ZC3H12B: variants seen among roughly 807,000 people sequenced by gnomAD.
The protein encoded by ZC3H12B is probable ribonuclease ZC3H12B.
In ZC3H12B, 7 loss-of-function variants were observed where a neutral mutation model predicts 43.9. That is an observed-to-expected ratio of 0.16 (90% confidence interval 0.09 to 0.30). The LOEUF (loss-of-function observed/expected upper bound fraction) is 0.30. Ranked by LOEUF, ZC3H12B falls within the 10% of genes least tolerant of loss-of-function variation. The probability of loss-of-function intolerance (pLI) is 1.00; values close to 1 mark genes in which losing one functional copy is unlikely to be tolerated. For missense variants in ZC3H12B, 475 were observed against 670.2 expected (o/e 0.71, Z 3.22); for synonymous variants, 222 against 241.7 (o/e 0.92, Z 0.76).
At chrX:65,324,881 A>T in the ZC3H12B span, among the ~76,000 whole-genome samples, 26,407 of 109,744 alleles carry the variant, frequency 0.24, 7,690 homozygotes, top group African/African-American at 0.83. Context: ...TGATAATTAT[A>T]GAAAGTAGGG....
the ZC3H12B span, among the ~76,000 whole-genome samples, chrX:65,050,061 G>A: frequency 9.0e-6 from 1 of 111,235 alleles, no homozygotes; most frequent in East Asian, 2.8e-4. Flanking sequence ...TTATTCAAAA[G>A]TGTGTTTTTT....
At chrX:65,388,429 A>G (rs887914107) in intron 2 of ZC3H12B, among the ~76,000 whole-genome samples, 1 of 112,329 alleles carries the variant, frequency 8.9e-6, no homozygotes, top group Non-Finnish European at 1.9e-5. Context: ...CCAGTTGATC[A>G]AATCGGCTAC....
chrX:65,475,879 C>A (rs1310274277), intron 3 of ZC3H12B, among the ~76,000 whole-genome samples: 1 of 111,968 alleles, frequency 8.9e-6, no homozygotes, highest in African/African-American at 3.2e-5. Flanking sequence ...CCCACTGGGT[C>A]CCTCCCATGA....
chrX:65,205,081 A>T, the ZC3H12B span, among the ~76,000 whole-genome samples: 1 of 112,358 alleles, frequency 8.9e-6, no homozygotes, highest in Non-Finnish European at 1.9e-5. Flanking sequence ...TATTGTAGGA[A>T]TGGTAGCTTT....
the ZC3H12B span, among the ~76,000 whole-genome samples, chrX:65,306,411 C>T: frequency 8.9e-6 from 1 of 111,776 alleles, no homozygotes; most frequent in Non-Finnish European, 1.9e-5. Flanking sequence ...CTTGCTCTGT[C>T]GTCCAGTCTG....
chrX:65,220,187 A>G, the ZC3H12B span, among the ~76,000 whole-genome samples: 2 of 111,946 alleles, frequency 1.8e-5, no homozygotes, highest in African/African-American at 6.5e-5. Flanking sequence ...GCACTGCAGA[A>G]CCTGCTAAAA....
intron 3 of ZC3H12B, among the ~76,000 whole-genome samples, chrX:65,454,551 G>C (rs2067576662): frequency 8.9e-6 from 1 of 112,140 alleles, no homozygotes; most frequent in Non-Finnish European, 1.9e-5. Flanking sequence ...CCACCTCTGG[G>C]GGCAGGGCAT....
chrX:65,430,813 G>T (rs757483955), intron 3 of ZC3H12B, among the ~76,000 whole-genome samples: 65 of 111,022 alleles, frequency 5.9e-4, no homozygotes, highest in African/African-American at 2.1e-3. Flanking sequence ...GAGGATGGGG[G>T]TTCACTTGGC....
At chrX:65,304,794 G>A in the ZC3H12B span, among the ~76,000 whole-genome samples, 1 of 110,810 alleles carries the variant, frequency 9.0e-6, no homozygotes, top group African/African-American at 3.3e-5. Context: ...TATTAGGTGC[G>A]ACACCATAGA....
chrX:65,458,533 C>G (rs1408464017), intron 3 of ZC3H12B, among the ~76,000 whole-genome samples: 1 of 112,025 alleles, frequency 8.9e-6, no homozygotes, highest in African/African-American at 3.2e-5. Context: ...TGCAATCAAA[C>G]TAGAACTCAG....
At chrX:65,407,973 C>A in intron 3 of ZC3H12B, 2 of 971,808 alleles carry the variant, frequency 2.1e-6, no homozygotes, top group East Asian at 3.4e-5. Context: ...CCACCTCGCT[C>A]CCCGCTTCTG....
At chrX:65,372,236 C>G in intron 2 of ZC3H12B, among the ~76,000 whole-genome samples, 1 of 111,789 alleles carries the variant, frequency 8.9e-6, no homozygotes, top group Non-Finnish European at 1.9e-5. Context: ...ATTTTAGATT[C>G]AAAGGCTCTG....
chrX:65,173,746 C>T, the ZC3H12B span, among the ~76,000 whole-genome samples: 1 of 111,723 alleles, frequency 9.0e-6, no homozygotes, highest in East Asian at 2.8e-4. Context: ...GTATGTTGAA[C>T]CAGCCTTACA....
intron 3 of ZC3H12B, among the ~76,000 whole-genome samples, chrX:65,452,941 C>A (rs1429182708): frequency 1.8e-5 from 2 of 109,753 alleles, no homozygotes; most frequent in East Asian, 5.7e-4. Context: ...AAGCAATCTA[C>A]AAATTCAATG....
At chrX:65,458,815 G>C (rs2148171242) in intron 3 of ZC3H12B, among the ~76,000 whole-genome samples, 1 of 111,056 alleles carries the variant, frequency 9.0e-6, no homozygotes, top group South Asian at 3.8e-4. Flanking sequence ...GAAGCAAGAG[G>C]AAACGCATTC....
At chrX:65,331,725 G>T in the ZC3H12B span, among the ~76,000 whole-genome samples, 4 of 110,839 alleles carry the variant, frequency 3.6e-5, no homozygotes, top group African/African-American at 1.3e-4. Context: ...GCTAAGCAAG[G>T]GGTGTATTAT....
intron 2 of ZC3H12B, among the ~76,000 whole-genome samples, chrX:65,377,456 C>A (rs1485832378): frequency 1.8e-5 from 2 of 110,185 alleles, no homozygotes; most frequent in African/African-American, 6.6e-5. Context: ...AAGAAGCCTA[C>A]CCCAAGGCAC....
At chrX:65,377,880 C>T (rs1009574898) in intron 2 of ZC3H12B, among the ~76,000 whole-genome samples, 15 of 110,915 alleles carry the variant, frequency 1.4e-4, no homozygotes, top group African/African-American at 3.9e-4. Context: ...GGGCAGATCA[C>T]GAGGTCAGGA....
chrX:65,035,919 A>G, the ZC3H12B span, among the ~76,000 whole-genome samples: 1 of 112,286 alleles, frequency 8.9e-6, no homozygotes, highest in Non-Finnish European at 1.9e-5. Context: ...CTGATTCATA[A>G]TAGGGGAAAC....
Sources: allele counts gnomAD v4.1 joint callset (sites outside exome capture counted in the v4.1 genomes callset), GRCh38; gene constraint gnomAD v4.1.1; transcripts MANE v1.5; gene names NCBI Gene and HGNC (gene_info 2026-07-23, HGNC 2026-07-21).